The following VPS13B variants were observed in gnomAD, a reference collection of about 807,000 sequenced individuals.
VPS13B encodes intermembrane lipid transfer protein VPS13B.
A neutral mutation model predicts 426.4 loss-of-function variants in VPS13B; 285 were observed. The ratio of observed to expected loss-of-function variants is 0.67; its 90% CI spans 0.61 to 0.74. VPS13B has a LOEUF of 0.74. VPS13B is among the 30% of genes least tolerant of loss of function. The pLI, the probability that VPS13B is intolerant of heterozygous loss-of-function variation, is 0.00. For missense variants in VPS13B, 4,537 were observed against 4,782.6 expected (o/e 0.95, Z 1.51); for synonymous variants, 1,676 against 1,676.4 (o/e 1.00, Z 0.01).
At chr8:99,160,611 A>G (rs950193881) in intron 15 of VPS13B, among the ~76,000 whole-genome samples, 2 of 146,934 alleles carry the variant, frequency 1.4e-5, no homozygotes, top group African/African-American at 5.1e-5. Context: ...TGATGGCGCC[A>G]CTGCACTCCA....
intron 4 of VPS13B, among the ~76,000 whole-genome samples, chr8:99,101,267 G>A (rs1353756597): frequency 1.3e-5 from 2 of 152,060 alleles, no homozygotes; most frequent in Non-Finnish European, 2.9e-5. Flanking sequence ...GAGTAGCTGG[G>A]ACTACAGGTG....
At chr8:99,496,653 G>GAA (rs1055396435) in intron 25 of VPS13B, among the ~76,000 whole-genome samples, 1 of 146,014 alleles carries the variant, frequency 6.8e-6, no homozygotes, top group Non-Finnish European at 1.5e-5. Context: ...TCCATCTCAG[G>GAA]AAAAAAAAAA....
At chr8:99,264,382 G>C (rs1818199957) in intron 17 of VPS13B, among the ~76,000 whole-genome samples, 2 of 151,756 alleles carry the variant, frequency 1.3e-5, no homozygotes, top group African/African-American at 4.8e-5. Flanking sequence ...CTCTTTTTTA[G>C]GTGGAGCAAA....
chr8:99,117,138 G>A (rs2132502544), intron 7 of VPS13B, among the ~76,000 whole-genome samples: 1 of 152,106 alleles, frequency 6.6e-6, no homozygotes, highest in South Asian at 2.1e-4. Flanking sequence ...CTAAGAGAAG[G>A]GCATTTAAAA....
chr8:99,680,024 C>T (rs887006137), intron 35 of VPS13B, among the ~76,000 whole-genome samples: 1 of 151,990 alleles, frequency 6.6e-6, no homozygotes, highest in African/African-American at 2.4e-5. Flanking sequence ...CATAGCCACC[C>T]GTGTATGCAC....
intron 17 of VPS13B, among the ~76,000 whole-genome samples, chr8:99,224,986 T>C (rs1401735554): frequency 6.6e-6 from 1 of 152,238 alleles, no homozygotes; most frequent in Non-Finnish European, 1.5e-5. Flanking sequence ...GCTTTGATGC[T>C]GAGTCCGGTG....
In VPS13B at chr8:99,687,835, C is replaced by CT. The variant is rs369961820; in HGVS notation, c.6047-11680dup. Among the ~76,000 whole-genome samples the CT allele has an allele frequency of 8.1e-4, 119 of 147,626 alleles. 3 individuals carry two copies. Among genetic ancestry groups the CT allele is most frequent in the East Asian group, 7.3e-3 (37 of 5,076 alleles). ...CTGACTTTTGGTTCTTGTTAAGTTC[C>CT]TTTTTTTTTTATGGATAATTGTTCA... On this transcript the variant is annotated intron_variant, in intron 35 of 61. Coordinates refer to ENST00000357162, the MANE Select transcript of VPS13B (RefSeq NM_152564.5).
At chr8:99,731,098 T>A (rs1446987305) in intron 39 of VPS13B, among the ~76,000 whole-genome samples, 1 of 152,122 alleles carries the variant, frequency 6.6e-6, no homozygotes, top group Admixed American at 6.5e-5. Context: ...TTCTGGGAAG[T>A]GGCAAATCAT....
chr8:99,336,595 AT>A (rs946489634), intron 19 of VPS13B, among the ~76,000 whole-genome samples: 9 of 152,150 alleles, frequency 5.9e-5, no homozygotes, highest in African/African-American at 2.2e-4. Flanking sequence ...ATGGGAAAAA[AT>A]TTTCGCAAGC....
intron 19 of VPS13B, among the ~76,000 whole-genome samples, chr8:99,344,848 A>G (rs1811452145): frequency 1.3e-5 from 2 of 151,932 alleles, no homozygotes; most frequent in South Asian, 4.1e-4. Flanking sequence ...TGCATGGGAA[A>G]TTTCAGTATT....
chr8:99,471,354 T>C (rs1307949590), intron 24 of VPS13B, among the ~76,000 whole-genome samples: 1 of 152,140 alleles, frequency 6.6e-6, no homozygotes, highest in East Asian at 1.9e-4. Flanking sequence ...ACAAGACAAC[T>C]ATAGCATTAA....
intron 17 of VPS13B, among the ~76,000 whole-genome samples, chr8:99,195,925 C>A (rs1056788554): frequency 1.3e-5 from 2 of 152,148 alleles, no homozygotes; most frequent in Admixed American, 1.3e-4. Flanking sequence ...ATGTGTCTGT[C>A]TTCATGCCAG....
At chr8:99,681,778 G>T (rs1831164357) in intron 35 of VPS13B, among the ~76,000 whole-genome samples, 1 of 152,164 alleles carries the variant, frequency 6.6e-6, no homozygotes, top group Non-Finnish European at 1.5e-5. Flanking sequence ...TGACTGAGAG[G>T]TTGCATTTGT....
intron 39 of VPS13B, among the ~76,000 whole-genome samples, chr8:99,758,583 T>G (rs1386746997): frequency 6.6e-6 from 1 of 152,170 alleles, no homozygotes; most frequent in Non-Finnish European, 1.5e-5. Context: ...AGTAGTAGGT[T>G]ACCTTTAGAA....
At chr8:99,157,558 C>T (rs149241799) in intron 15 of VPS13B, among the ~76,000 whole-genome samples, 5 of 152,176 alleles carry the variant, frequency 3.3e-5, no homozygotes, top group African/African-American at 9.6e-5. Flanking sequence ...CTGACCAGTT[C>T]CCCCTTCTCT....
chr8:99,415,307 A>G (rs1400764423), intron 21 of VPS13B, among the ~76,000 whole-genome samples: 1 of 151,852 alleles, frequency 6.6e-6, no homozygotes, highest in Non-Finnish European at 1.5e-5. Context: ...CTAGTTAGCA[A>G]TTCCTCTAAC....
intron 30 of VPS13B, among the ~76,000 whole-genome samples, chr8:99,540,044 TA>T (rs1563785013): frequency 1.4e-3 from 6 of 4,156 alleles, no homozygotes; most frequent in Admixed American, 3.1e-3. Flanking sequence ...TATATATATA[TA>T]TATATATATA....
At chr8:99,684,054 T>A (rs1196829728) in intron 35 of VPS13B, among the ~76,000 whole-genome samples, 2 of 152,212 alleles carry the variant, frequency 1.3e-5, no homozygotes, top group Admixed American at 1.3e-4. Flanking sequence ...ATTGAATTTT[T>A]CAAAAATGTT....
intron 23 of VPS13B, among the ~76,000 whole-genome samples, chr8:99,447,383 G>A (rs1817974883): frequency 1.3e-5 from 2 of 152,174 alleles, no homozygotes; most frequent in South Asian, 2.1e-4. Context: ...ATATAAAGAA[G>A]GGAAGAGCAG....
Sources: allele counts gnomAD v4.1 joint callset (sites outside exome capture counted in the v4.1 genomes callset), GRCh38; gene constraint gnomAD v4.1.1; transcripts MANE v1.5; gene names NCBI Gene and HGNC (gene_info 2026-07-23, HGNC 2026-07-21).